The following PDE3A variants were observed in gnomAD, a reference collection of about 807,000 sequenced individuals.
PDE3A encodes the protein phosphodiesterase 3A, also known as cGMP-inhibited 3',5'-cyclic phosphodiesterase 3A.
PDE3A carries 43 observed loss-of-function variants against 98.3 expected under a neutral mutation model. The observed-to-expected ratio is 0.44, with a 90% CI of 0.34 to 0.56. The LOEUF is 0.56. PDE3A is among the 20% of genes least tolerant of loss of function. The probability of loss-of-function intolerance (pLI) is 0.01; values close to 1 mark genes in which losing one functional copy is unlikely to be tolerated. For missense variants in PDE3A, 1,427 were observed against 1,440.7 expected (o/e 0.99, Z 0.15); for synonymous variants, 663 against 567.9 (o/e 1.17, Z -2.38).
At chr12:20,566,793 AT>A (rs945541929) in intron 2 of PDE3A, among the ~76,000 whole-genome samples, 36 of 150,814 alleles carry the variant, frequency 2.4e-4, no homozygotes, top group African/African-American at 7.8e-4. Context: ...CGTGCAGTGA[AT>A]TTTTTTTTTG....
At chr12:20,468,486 A>G (rs1195649127) in intron 1 of PDE3A, among the ~76,000 whole-genome samples, 1 of 152,232 alleles carries the variant, frequency 6.6e-6, no homozygotes, top group African/African-American at 2.4e-5. Flanking sequence ...CTGGCATGGC[A>G]TTAGAAATGT....
intron 2 of PDE3A, among the ~76,000 whole-genome samples, chr12:20,562,653 A>G (rs1211681673): frequency 3.9e-5 from 6 of 152,124 alleles, no homozygotes; most frequent in Admixed American, 6.6e-5. Context: ...ACATCCTAAC[A>G]CTTTAATATT....
Position 20,664,714 on chromosome 12 carries a change from T to C in PDE3A, c.3184+10509T>C, listed in dbSNP as rs148556016. On this transcript the variant is annotated intron_variant, in intron 15 of 15. Transcript: ENST00000359062. ...TTTTTGCCTGACACCATGTAAGACA[T>C]GCCTTTTGCCTTCTGCCATGTTTGT... Among the ~76,000 whole-genome samples the C allele has an allele frequency of 2.6e-5, 4 of 152,166 alleles. No homozygotes were observed. In the East Asian group the frequency reaches 7.8e-4, roughly 30 times the overall value.
intron 1 of PDE3A, among the ~76,000 whole-genome samples, chr12:20,423,718 T>G (rs140168799): frequency 0.014 from 2,067 of 152,242 alleles, 49 homozygotes; most frequent in African/African-American, 0.048. Flanking sequence ...TGCCTCCTCT[T>G]AACAGTTTTG....
chr12:20,378,186 A>G (rs1943604595), intron 1 of PDE3A, among the ~76,000 whole-genome samples: 1 of 151,580 alleles, frequency 6.6e-6, no homozygotes, highest in Non-Finnish European at 1.5e-5. Flanking sequence ...AGGAATTTAG[A>G]TTAGGTGAGT....
At chr12:20,474,410 C>T (rs1305244332) in intron 1 of PDE3A, among the ~76,000 whole-genome samples, 1 of 152,092 alleles carries the variant, frequency 6.6e-6, no homozygotes, top group Non-Finnish European at 1.5e-5. Context: ...ATTTTTAGGA[C>T]AAAAATTATC....
In PDE3A at chr12:20,396,132, C is replaced by G. The variant is rs149104602; in HGVS notation, c.960+25888C>G. On this transcript the variant is annotated intron_variant, in intron 1 of 15. Transcript: ENST00000359062. ...TACATTCCTTTTGTAATTTAGAAAACAAGTATTATAAATGAAAAAAACCCT... is the reference window on the plus strand; with the variant it reads ...TACATTCCTTTTGTAATTTAGAAAAGAAGTATTATAAATGAAAAAAACCCT... 3.5e-3 allele frequency among the ~76,000 whole-genome samples: 533 copies of G among 152,078 alleles called. 4 individuals carry two copies. The highest frequency in any genetic ancestry group is 0.031 in the Middle Eastern group (9 of 292).
intron 1 of PDE3A, among the ~76,000 whole-genome samples, chr12:20,496,242 A>G (rs1945916694): frequency 6.6e-6 from 1 of 152,174 alleles, no homozygotes; most frequent in Non-Finnish European, 1.5e-5. Flanking sequence ...TGATGTGTGG[A>G]TGCATAAATG....
intron 15 of PDE3A, among the ~76,000 whole-genome samples, chr12:20,660,936 A>T (rs1485990737): frequency 6.6e-6 from 1 of 152,176 alleles, no homozygotes; most frequent in Non-Finnish European, 1.5e-5. Flanking sequence ...GGAACTGGGT[A>T]ACAGGAAGAG....
In PDE3A at chr12:20,688,192, A is replaced by G. The variant is rs941052215; in HGVS notation, c.*7921A>G. 6.6e-6 allele frequency among the ~76,000 whole-genome samples: 1 copy of G among 151,922 alleles called. No individual in the cohort carries two copies. Among genetic ancestry groups the G allele is most frequent in the Non-Finnish European group, 1.5e-5 (1 of 67,930 alleles). On this transcript the variant is annotated 3_prime_UTR_variant, in exon 16 of 16. Coordinates refer to ENST00000359062, the MANE Select transcript of PDE3A (RefSeq NM_000921.5). ...AAATTTTTCAACTTCTAGAAAAACAAGAGTGAGTCTTTTGAACTTCATCAT... is the reference window on the plus strand; with the variant it reads ...AAATTTTTCAACTTCTAGAAAAACAGGAGTGAGTCTTTTGAACTTCATCAT...
Position 20,680,513 on chromosome 12 carries a change from T to C in PDE3A, c.*242T>C. The C allele has an allele frequency of 4.2e-6, 2 of 478,122 alleles. No individual in the cohort carries two copies. Among genetic ancestry groups the C allele is most frequent in the Non-Finnish European group, 7.6e-6 (2 of 262,728 alleles). 29.6% of individuals were successfully genotyped at this position (478,122 alleles called of 1,614,324 possible). A position where few individuals can be genotyped will look rare whatever the true frequency, so the allele number is the denominator to read the frequency against. Reference sequence around the variant, plus strand: ...CTAAGGATTTTTTAAGGAGGGAATATATATGTGTGTGTGTATATAAGCTCC... The same window carrying C: ...CTAAGGATTTTTTAAGGAGGGAATACATATGTGTGTGTGTATATAAGCTCC... On this transcript the variant is annotated 3_prime_UTR_variant, in exon 16 of 16. Coordinates refer to ENST00000359062, the MANE Select transcript of PDE3A (RefSeq NM_000921.5).
At chr12:20,644,406 A>G (rs985010696) in intron 10 of PDE3A, among the ~76,000 whole-genome samples, 6 of 152,176 alleles carry the variant, frequency 3.9e-5, no homozygotes, top group African/African-American at 1.2e-4. Flanking sequence ...CAATTGTACC[A>G]TGAATTTGGC....
intron 1 of PDE3A, among the ~76,000 whole-genome samples, chr12:20,408,722 C>G (rs1223989048): frequency 1.3e-5 from 2 of 152,006 alleles, no homozygotes. Context: ...ATATATAATC[C>G]TGAGTGATTA....
intron 1 of PDE3A, chr12:20,450,008 C>A: frequency 1.5e-6 from 1 of 686,210 alleles, no homozygotes; most frequent in Non-Finnish European, 2.7e-6. Context: ...AAATTAGCTC[C>A]ATCTACCTGG....
chr12:20,511,914 G>T (rs896363626), intron 1 of PDE3A, among the ~76,000 whole-genome samples: 6 of 152,040 alleles, frequency 3.9e-5, no homozygotes, highest in Admixed American at 2.6e-4. Flanking sequence ...TTGCCTATGT[G>T]GTTGTCTCCT....
At chr12:20,598,233 A>G (rs1156448335) in intron 2 of PDE3A, among the ~76,000 whole-genome samples, 1 of 151,298 alleles carries the variant, frequency 6.6e-6, no homozygotes, top group Non-Finnish European at 1.5e-5. Context: ...CCCAGGCTGG[A>G]GTGCAATGGC....
intron 1 of PDE3A, among the ~76,000 whole-genome samples, chr12:20,464,401 T>A (rs1945304343): frequency 6.6e-6 from 1 of 152,228 alleles, no homozygotes; most frequent in African/African-American, 2.4e-5. Flanking sequence ...AATATTGGAA[T>A]TATTTTTTCA....
intron 2 of PDE3A, among the ~76,000 whole-genome samples, chr12:20,611,325 T>C (rs1370862546): frequency 6.6e-6 from 1 of 151,954 alleles, no homozygotes; most frequent in African/African-American, 2.4e-5. Flanking sequence ...AAGAGATATT[T>C]ATGCCTGTGA....
At chr12:20,580,858 C>T (rs1943045363) in intron 2 of PDE3A, among the ~76,000 whole-genome samples, 1 of 152,136 alleles carries the variant, frequency 6.6e-6, no homozygotes, top group African/African-American at 2.4e-5. Flanking sequence ...CTAGAAGTGA[C>T]AGCTAATGGT....
Sources: gnomAD v4.1 joint callset for allele counts (sites outside exome capture counted in the v4.1 genomes callset) on GRCh38, gnomAD v4.1.1 for gene constraint, MANE v1.5 for transcripts, NCBI Gene and HGNC (gene_info 2026-07-23, HGNC 2026-07-21) for gene names.